The following ANKIB1 variants were observed in gnomAD, a reference collection of about 807,000 sequenced individuals.
ANKIB1 encodes ankyrin repeat and IBR domain-containing protein 1.
ANKIB1 carries 43 observed loss-of-function variants against 122.1 expected under a neutral mutation model. The observed-to-expected ratio is 0.35, with a 90% confidence interval of 0.28 to 0.45. The LOEUF is 0.45. ANKIB1 is among the 20% of genes least tolerant of loss of function. ANKIB1 has a pLI of 1.00. For missense variants in ANKIB1, 992 were observed against 1,329.5 expected, an observed-to-expected ratio of 0.75 and a Z score of 3.95; for synonymous variants, 390 against 442.0, an observed-to-expected ratio of 0.88 and a Z score of 1.48.
chr7:92,370,930 A>G (rs1804233254), intron 10 of ANKIB1, among the ~76,000 whole-genome samples: 1 of 152,176 alleles, frequency 6.6e-6, no homozygotes, highest in African/African-American at 2.4e-5. Flanking sequence ...ACCAGATATG[A>G]TAGAGAAAGA....
At chr7:92,371,956 T>G (rs1396666143) in intron 11 of ANKIB1, among the ~76,000 whole-genome samples, 3 of 21,092 alleles carry the variant, frequency 1.4e-4, no homozygotes, top group African/African-American at 3.2e-4. Context: ...GAGGGGTGTG[T>G]GTGTGTGTGT....
chr7:92,348,929 A>G (rs1803600349), intron 7 of ANKIB1, among the ~76,000 whole-genome samples: 1 of 152,238 alleles, frequency 6.6e-6, no homozygotes, highest in African/African-American at 2.4e-5. Context: ...ATTGTGGCCC[A>G]GTGAAGAGGT....
chr7:92,247,017 T>A (rs1563341869), intron 1 of ANKIB1, among the ~76,000 whole-genome samples: 1 of 151,692 alleles, frequency 6.6e-6, no homozygotes, highest in Non-Finnish European at 1.5e-5. Context: ...AGCGCTCCCC[T>A]GTATTCTTAT....
chr7:92,331,078 G>C (rs1407534609), intron 5 of ANKIB1, among the ~76,000 whole-genome samples: 4 of 152,056 alleles, frequency 2.6e-5, no homozygotes, highest in Non-Finnish European at 5.9e-5. Flanking sequence ...GTTCATCAGT[G>C]GGGAGCCACT....
chr7:92,350,750 A>G (rs1803644664), intron 7 of ANKIB1, among the ~76,000 whole-genome samples, 200 bp from the exon 8 acceptor site: 1 of 152,170 alleles, frequency 6.6e-6, no homozygotes, highest in South Asian at 2.1e-4. Context: ...CTAGCTACTC[A>G]GAAGACCGAG....
At chr7:92,347,845 A>G (rs1328712947) in intron 7 of ANKIB1, 1 of 260,716 alleles carries the variant, frequency 3.8e-6, no homozygotes, top group Non-Finnish European at 7.5e-6. Context: ...TCCTAGGATT[A>G]TCATCAGTTT....
intron 1 of ANKIB1, among the ~76,000 whole-genome samples, chr7:92,265,660 C>G (rs747045998): frequency 1.3e-5 from 2 of 152,140 alleles, no homozygotes; most frequent in Non-Finnish European, 2.9e-5. Context: ...TGAAGGTGAC[C>G]TGAGCTGGGA....
At chr7:92,312,401 C>A (rs1301673912) in intron 3 of ANKIB1, among the ~76,000 whole-genome samples, 2 of 152,062 alleles carry the variant, frequency 1.3e-5, no homozygotes, top group African/African-American at 2.4e-5. Context: ...ATTTAATATT[C>A]CAAAAATTAT....
At chr7:92,357,180 G>A (rs981318781) in intron 9 of ANKIB1, among the ~76,000 whole-genome samples, 1 of 152,170 alleles carries the variant, frequency 6.6e-6, no homozygotes, top group African/African-American at 2.4e-5. Context: ...ATCACTTGAT[G>A]TTAGGTTAAC....
At position 92,351,372 on chromosome 7, in the gene ANKIB1, G is replaced by A. The variant is rs375251816; in HGVS notation, c.1230+278G>A. On this transcript the variant is annotated intron_variant, in intron 8 of 19. Coordinates refer to ENST00000265742, the MANE Select transcript of ANKIB1 (RefSeq NM_019004.2). ...ATCAGAACTTTTTATTAATTTGCCCGTTGCACTTTAATAACTGATTGATCA... is the reference window on the plus strand; with the variant it reads ...ATCAGAACTTTTTATTAATTTGCCCATTGCACTTTAATAACTGATTGATCA... Among the ~76,000 whole-genome samples the A allele has an allele frequency of 2.8e-4, 43 of 152,104 alleles. No homozygotes were observed. The East Asian group carries it at 4.4e-3, about 16-fold the overall frequency.
chr7:92,385,880 T>C (rs1346159782), intron 11 of ANKIB1, among the ~76,000 whole-genome samples: 3 of 151,978 alleles, frequency 2.0e-5, no homozygotes, highest in African/African-American at 7.3e-5. Flanking sequence ...TAATGTATAA[T>C]AAAAATAAAA....
intron 5 of ANKIB1, among the ~76,000 whole-genome samples, chr7:92,339,440 GC>G (rs1237611904): frequency 2.6e-5 from 4 of 152,056 alleles, no homozygotes; most frequent in African/African-American, 9.7e-5. Context: ...TTATTAGTCT[GC>G]TTAGAATTAC....
At chr7:92,293,193 T>C (rs1233452078) in intron 1 of ANKIB1, among the ~76,000 whole-genome samples, 1 of 152,194 alleles carries the variant, frequency 6.6e-6, no homozygotes, top group Non-Finnish European at 1.5e-5. Flanking sequence ...TACCCGTGCC[T>C]GGGTGCTTCC....
Position 92,397,742 on chromosome 7 carries a change from C to T in ANKIB1, c.2415C>T (p.Ser805=), listed in dbSNP as rs1486806248. The change falls in exon 19 of 20, where the codon AGC becomes AGT. Residue 805 remains serine (S), a synonymous_variant. Transcript: ENST00000265742. ...ESTLDIPEGG[S]SSRRPGTSVV... is the part of the protein sequence containing the mutation. ...AAACAGATATTCCAGAAGGCGGCAG[C>T]AGCAGCCGCAGGCCTGGCACATCCG... 6.2e-7 allele frequency: 1 copy of T among 1,611,802 alleles called. No individual in the cohort carries two copies. Among genetic ancestry groups the T allele is most frequent in the Non-Finnish European group, 8.5e-7 (1 of 1,179,172 alleles).
In ANKIB1 at chr7:92,399,511, A is replaced by AT. The variant is rs1804972161; in HGVS notation, c.*563dup. On this transcript the variant is annotated 3_prime_UTR_variant, in exon 20 of 20. Coordinates refer to ENST00000265742, the MANE Select transcript of ANKIB1 (RefSeq NM_019004.2). ...TAGTGTAATTAGTTTTAATTTTCAC[A>AT]TGAATCAAAGGTTTCCTTTCATGTC... 6.6e-6 allele frequency: 1 copy of AT among 152,202 alleles called. No individual in the cohort carries two copies. The highest frequency in any genetic ancestry group is 1.5e-5 in the Non-Finnish European group (1 of 68,046). The allele number at this position is 152,202 out of a possible 1,614,324, so 9.4% of individuals were successfully genotyped here. A position where few individuals can be genotyped will look rare whatever the true frequency, so the allele number is the denominator to read the frequency against.
intron 11 of ANKIB1, among the ~76,000 whole-genome samples, chr7:92,375,538 A>G (rs1356677371): frequency 6.6e-6 from 1 of 152,258 alleles, no homozygotes; most frequent in African/African-American, 2.4e-5. Context: ...TTCAAGTTTT[A>G]TCATGAGATT....
intron 1 of ANKIB1, among the ~76,000 whole-genome samples, chr7:92,253,489 G>T (rs1161729218): frequency 6.6e-6 from 1 of 152,142 alleles, no homozygotes; most frequent in Non-Finnish European, 1.5e-5. Context: ...TGCACTTCTG[G>T]TAGTCTTCCC....
chr7:92,294,623 A>G (rs1802314325), intron 1 of ANKIB1: 1 of 339,432 alleles, frequency 2.9e-6, no homozygotes, highest in Admixed American at 4.7e-5. Context: ...AGTTTTATAT[A>G]TAGATAATTT....
At chr7:92,252,844 A>G (rs1801357126) in intron 1 of ANKIB1, among the ~76,000 whole-genome samples, 1 of 151,872 alleles carries the variant, frequency 6.6e-6, no homozygotes, top group South Asian at 2.1e-4. Context: ...TAGAGTAGAC[A>G]AAGTAGATTC....
Sources: gnomAD v4.1 joint callset for allele counts (sites outside exome capture counted in the v4.1 genomes callset) on GRCh38, gnomAD v4.1.1 for gene constraint, MANE v1.5 for transcripts, NCBI Gene and HGNC (gene_info 2026-07-23, HGNC 2026-07-21) for gene names.